The following SLC22A3 variants were observed in gnomAD, a reference collection of about 807,000 sequenced individuals.
SLC22A3 encodes the protein solute carrier family 22 member 3, also known as EMT organic cation transporter 3.
SLC22A3 carries 51 observed loss-of-function variants against 59.1 expected under a neutral mutation model. That is an observed-to-expected ratio of 0.86 (90% CI 0.69 to 1.09). The LOEUF (loss-of-function observed/expected upper bound fraction) is 1.09, where lower values mean the gene tolerates loss of function less well. Among genes scored for constraint, SLC22A3 ranks in the 50% least tolerant of loss-of-function variants. The pLI is 0.00. For synonymous variants in SLC22A3, 325 were observed against 292.0 expected (o/e 1.11, Z -1.15); for missense variants, 711 against 726.3 (o/e 0.98, Z 0.24).
chr6:160,396,540 GA>G (rs1293063954), intron 1 of SLC22A3, among the ~76,000 whole-genome samples: 1 of 152,012 alleles, frequency 6.6e-6, no homozygotes, highest in Non-Finnish European at 1.5e-5. Context: ...TATTTATATG[GA>G]AAAATCTTCT....
intron 1 of SLC22A3, among the ~76,000 whole-genome samples, chr6:160,365,621 C>T (rs746803066): frequency 4.6e-5 from 7 of 152,162 alleles, no homozygotes; most frequent in Non-Finnish European, 8.8e-5. Context: ...ATGATGATGG[C>T]TAACCTTACA....
intron 8 of SLC22A3, 107 bp from the exon 9 acceptor site, chr6:160,443,523 A>C (rs1193151982): frequency 1.3e-6 from 1 of 768,154 alleles, no homozygotes; most frequent in Non-Finnish European, 2.2e-6. Context: ...AGAAAATGCA[A>C]AGTATCTTCA....
chr6:160,386,416 T>C (rs867585212), intron 1 of SLC22A3, among the ~76,000 whole-genome samples: 1 of 152,254 alleles, frequency 6.6e-6, no homozygotes, highest in Non-Finnish European at 1.5e-5. Flanking sequence ...TTTTAGGGTA[T>C]CTCTTTGAGT....
intron 1 of SLC22A3, among the ~76,000 whole-genome samples, chr6:160,360,029 A>T (rs922606110): frequency 2.0e-5 from 3 of 152,232 alleles, no homozygotes; most frequent in Non-Finnish European, 4.4e-5. Flanking sequence ...TAATCATAGT[A>T]TTCTTTTTAT....
chr6:160,378,111 A>G (rs1785664101), intron 1 of SLC22A3, among the ~76,000 whole-genome samples: 1 of 152,194 alleles, frequency 6.6e-6, no homozygotes, highest in Admixed American at 6.5e-5. Flanking sequence ...TGTGTTCCCT[A>G]ATTTTATGTG....
At chr6:160,367,621 C>T (rs781042409) in intron 1 of SLC22A3, among the ~76,000 whole-genome samples, 3 of 152,312 alleles carry the variant, frequency 2.0e-5, no homozygotes, top group South Asian at 2.1e-4. Flanking sequence ...CAGTGTCTTC[C>T]GCTGCTGTCT....
chr6:160,407,040 G>C lies in SLC22A3; in HGVS notation c.534-1G>C. On this transcript the variant is annotated splice_acceptor_variant, in intron 2 of 10. Transcript: ENST00000275300. LOFTEE classifies it high-confidence loss of function. ...GCTCTTTTCCTGTCTTTCTCAAAAA[G>C]GTATGGCAGGATCGTCATTTACTTG... The C allele has an allele frequency of 1.2e-6, 2 of 1,612,878 alleles. No individual in the cohort carries two copies. Among genetic ancestry groups the C allele is most frequent in the South Asian group, 2.2e-5 (2 of 90,978 alleles).
At chr6:160,433,824 TTGAG>T (rs1389876532) in intron 5 of SLC22A3, among the ~76,000 whole-genome samples, 1 of 152,190 alleles carries the variant, frequency 6.6e-6, no homozygotes, top group Non-Finnish European at 1.5e-5. Context: ...AACTGGAAAC[TTGAG>T]TGAGAGTGAA....
At chr6:160,361,748 A>G (rs889590230) in intron 1 of SLC22A3, among the ~76,000 whole-genome samples, 1 of 152,264 alleles carries the variant, frequency 6.6e-6, no homozygotes, top group African/African-American at 2.4e-5. Context: ...CAAGTAATTA[A>G]CTGACATCTC....
At chr6:160,380,715 T>G (rs1409259024) in intron 1 of SLC22A3, among the ~76,000 whole-genome samples, 1 of 152,204 alleles carries the variant, frequency 6.6e-6, no homozygotes, top group African/African-American at 2.4e-5. Flanking sequence ...CTTTTTAAAA[T>G]TATTTGTTTT....
chr6:160,384,771 C>T (rs909539657), intron 1 of SLC22A3, among the ~76,000 whole-genome samples: 29 of 152,122 alleles, frequency 1.9e-4, no homozygotes, highest in African/African-American at 1.4e-4. Context: ...ATTGTGACTC[C>T]GCTCCCCTCC....
chr6:160,351,062 G>T (rs772231796), intron 1 of SLC22A3, among the ~76,000 whole-genome samples: 1 of 152,142 alleles, frequency 6.6e-6, no homozygotes, highest in Admixed American at 6.5e-5. Context: ...AATGTACCCC[G>T]TAAAGCCCCA....
At chr6:160,367,955 G>A (rs1785265143) in intron 1 of SLC22A3, among the ~76,000 whole-genome samples, 1 of 152,058 alleles carries the variant, frequency 6.6e-6, no homozygotes, top group Non-Finnish European at 1.5e-5. Context: ...ATCTTCCAGT[G>A]GCCCCACTGC....
intron 9 of SLC22A3, among the ~76,000 whole-genome samples, chr6:160,444,354 AAAAT>A (rs143083367): frequency 0.02 from 3,012 of 152,138 alleles, 70 homozygotes; most frequent in African/African-American, 0.059. Context: ...ACCTATCTCT[AAAAT>A]AAATAAATAA....
intron 1 of SLC22A3, among the ~76,000 whole-genome samples, chr6:160,354,034 C>A (rs1463823301): frequency 6.6e-6 from 1 of 152,048 alleles, no homozygotes; most frequent in Non-Finnish European, 1.5e-5. Context: ...AACTGGGGAG[C>A]GGGGGAAGCC....
rs970165641 is a variant in SLC22A3 at position 160,415,783 on chromosome 6, T to C, written c.975+4937T>C. ...GACCCAACAAGTCAGCATTTTTCTCTTGTGAAAAGAACCACCTGCCAACCC... is the reference window on the plus strand; with the variant it reads ...GACCCAACAAGTCAGCATTTTTCTCCTGTGAAAAGAACCACCTGCCAACCC... On this transcript the variant is annotated intron_variant, in intron 5 of 10. Transcript: ENST00000275300. This position sits in a 1 kb window ranked among gnomAD's most constrained non-coding sequence, Gnocchi z 4.1. Among the ~76,000 whole-genome samples, 20 of 152,162 alleles carry C rather than the reference T, an allele frequency of 1.3e-4. No individual in the cohort carries two copies. Among genetic ancestry groups the C allele is most frequent in the African/African-American group, 4.1e-4 (17 of 41,434 alleles).
intron 1 of SLC22A3, among the ~76,000 whole-genome samples, chr6:160,388,162 G>A (rs748146683): frequency 1.8e-4 from 28 of 152,180 alleles, no homozygotes; most frequent in Admixed American, 6.5e-5. Flanking sequence ...GTTATTCTAA[G>A]CCACTAAGTT....
intron 7 of SLC22A3, among the ~76,000 whole-genome samples, chr6:160,441,429 T>A (rs2114922036): frequency 6.6e-6 from 1 of 152,182 alleles, no homozygotes; most frequent in East Asian, 1.9e-4. Flanking sequence ...ATATAACCGT[T>A]AACGTGACAG....
chr6:160,443,144 G>A (rs912493002), intron 8 of SLC22A3, among the ~76,000 whole-genome samples: 1 of 152,338 alleles, frequency 6.6e-6, no homozygotes, highest in East Asian at 1.9e-4. Context: ...AAGACCTCTA[G>A]GTGCCCTTGC....
Sources: gnomAD v4.1 joint callset for allele counts (sites outside exome capture counted in the v4.1 genomes callset) on GRCh38, gnomAD v4.1.1 for gene constraint, Gnocchi (gnomAD v3.1) non-coding constraint, MANE v1.5 for transcripts, NCBI Gene and HGNC (gene_info 2026-07-23, HGNC 2026-07-21) for gene names.